The following FAM221A variants were observed in gnomAD, a reference collection of about 807,000 sequenced individuals.
The protein encoded by FAM221A is family with sequence similarity 221 member A.
A neutral mutation model predicts 37.6 loss-of-function variants in FAM221A; 43 were observed. The observed-to-expected ratio is 1.15, with a 90% confidence interval of 0.90 to 1.48. The LOEUF is 1.48. Ranked by LOEUF, FAM221A falls within the 40% of genes most tolerant of loss-of-function variation. FAM221A has a pLI of 0.00. For synonymous variants in FAM221A, 135 were observed against 132.9 expected, an observed-to-expected ratio of 1.02 and a Z score of -0.11; for missense variants, 361 against 361.5, an observed-to-expected ratio of 1.00 and a Z score of 0.01.
chr7:23,682,180 C>T (rs1157139770), intron 1 of FAM221A, among the ~76,000 whole-genome samples: 1 of 151,672 alleles, frequency 6.6e-6, no homozygotes, highest in East Asian at 2.0e-4. Context: ...ACTCTCTCTT[C>T]TCAGCCTCCT....
intron 1 of FAM221A, among the ~76,000 whole-genome samples, chr7:23,683,468 G>T (rs554074664): frequency 6.6e-6 from 1 of 152,248 alleles, no homozygotes; most frequent in East Asian, 1.9e-4. Context: ...CTGCTTTGAT[G>T]TTTTTTGTAC....
At chr7:23,696,565 A>G (rs1785073133) in intron 4 of FAM221A, among the ~76,000 whole-genome samples, 1 of 152,196 alleles carries the variant, frequency 6.6e-6, no homozygotes, top group South Asian at 2.1e-4. Flanking sequence ...CCCTGCCTCA[A>G]AGTAAATAAA....
intron 3 of FAM221A, among the ~76,000 whole-genome samples, chr7:23,690,570 C>G (rs1345247091): frequency 2.0e-5 from 3 of 152,026 alleles, no homozygotes; most frequent in African/African-American, 7.2e-5. Flanking sequence ...ATTCTGGCCT[C>G]CATTACAATG....
intron 4 of FAM221A, chr7:23,692,117 T>G: frequency 1.4e-6 from 1 of 737,376 alleles, no homozygotes; most frequent in Non-Finnish European, 1.7e-6. Context: ...ATATATCTTC[T>G]TGCATACATA....
chr7:23,699,245 A>G (rs1372487265), intron 5 of FAM221A, among the ~76,000 whole-genome samples: 1 of 150,862 alleles, frequency 6.6e-6, no homozygotes, highest in African/African-American at 2.4e-5. Flanking sequence ...AGCCTTCCAC[A>G]TAGCTAGGAG....
At chr7:23,698,689 GC>G (rs1785214829) in intron 5 of FAM221A, among the ~76,000 whole-genome samples, 1 of 152,168 alleles carries the variant, frequency 6.6e-6, no homozygotes, top group African/African-American at 2.4e-5. Flanking sequence ...TAAATTAAGA[GC>G]AAGTAGAATT....
chr7:23,690,199 A>ATATATATATTTT (rs774313037), intron 3 of FAM221A, among the ~76,000 whole-genome samples: 57 of 48,722 alleles, frequency 1.2e-3, no homozygotes, highest in African/African-American at 1.7e-3. Flanking sequence ...ATATATATAT[A>ATATATATATTTT]TTTTTTTTTT....
intron 3 of FAM221A, among the ~76,000 whole-genome samples, chr7:23,689,702 C>T (rs1202349528): frequency 6.6e-6 from 1 of 152,128 alleles, no homozygotes; most frequent in African/African-American, 2.4e-5. Context: ...ACCCTCATCT[C>T]ATATAGTTCA....
At chr7:23,687,760 C>T (rs1784455918) in intron 2 of FAM221A, 1 of 151,248 alleles carries the variant, frequency 6.6e-6, no homozygotes, top group Non-Finnish European at 1.5e-5. Context: ...TCTCCTGCCT[C>T]AGCCTCCCGA....
intron 4 of FAM221A, chr7:23,694,926 CTG>C (rs1784963009): frequency 1.3e-5 from 2 of 152,082 alleles, no homozygotes; most frequent in African/African-American, 4.8e-5. Flanking sequence ...ATTATAAACT[CTG>C]TTATTTTAAT....
chr7:23,684,588 A>T lies in FAM221A; in HGVS notation c.155A>T (p.Asn52Ile), dbSNP rs1227961825. Residue 52 changes from asparagine to isoleucine, a missense_variant, in exon 2 of 7, where the codon AAC (asparagine) becomes ATC (isoleucine). By Grantham distance (149) the Asn-to-Ile change is moderately radical (BLOSUM62 -3). Transcript: ENST00000344962. ...KRKVLPLRLQ[N>I]RLFVSWRSPT... ...AAAGTTTTACCTCTGCGCTTACAAA[A>T]CAGATTATTTGTGAGCTGGCGGTCA... 6.2e-7 allele frequency: 1 copy of T among 1,614,030 alleles called. No individual in the cohort carries two copies.
At chr7:23,682,704 C>T (rs1784127913) in intron 1 of FAM221A, among the ~76,000 whole-genome samples, 1 of 152,232 alleles carries the variant, frequency 6.6e-6, no homozygotes, top group East Asian at 1.9e-4. Flanking sequence ...GGATTACAGG[C>T]ATGAGCCACT....
rs180715656 is a variant in FAM221A at position 23,685,035 on chromosome 7, G to T, written c.239+363G>T. Among the ~76,000 whole-genome samples the T allele has an allele frequency of 8.2e-4, 125 of 152,278 alleles. 4 individuals are homozygous for T. In the East Asian group the frequency reaches 0.017, roughly 21 times the overall value. ...GAGGCCGAGGTGGGTGGATCACGAG[G>T]TCAGGAGTTTGAGACCAGTCTGGCC... On this transcript the variant is annotated intron_variant, in intron 2 of 6. Transcript: ENST00000344962.
intron 3 of FAM221A, among the ~76,000 whole-genome samples, chr7:23,690,199 A>ATATATTTTTT (rs774313037): frequency 8.8e-4 from 43 of 48,736 alleles, no homozygotes; most frequent in South Asian, 3.6e-3. Context: ...ATATATATAT[A>ATATATTTTTT]TTTTTTTTTT....
Position 23,691,571 on chromosome 7 carries a change from C to T in FAM221A, c.612C>T (p.Tyr204=), listed in dbSNP as rs143718367. 254 of 1,614,014 alleles carry T rather than the reference C, an allele frequency of 1.6e-4. No individual in the cohort carries two copies. Among genetic ancestry groups the T allele is most frequent in the Non-Finnish European group, 2.1e-4 (242 of 1,180,012 alleles). The change falls in exon 4 of 7, where the codon TAC becomes TAT. Residue 204 remains tyrosine, a synonymous_variant. Transcript: ENST00000344962. The stretch of plus-strand genomic sequence containing the variant: ...GTTTCAGCTCGCTGGCGGAAGGCTA[C>T]ATGCGGTTAGATGACAGTGGGATTG... ...LTGFSSLAEG[Y]MRLDDSGIGV... is the part of the protein sequence containing the mutation.
chr7:23,700,711 A>G, intron 5 of FAM221A, 75 bp from the exon 6 acceptor site: 2 of 963,716 alleles, frequency 2.1e-6, no homozygotes, highest in Non-Finnish European at 3.0e-6. Context: ...GAGCAGGAGA[A>G]AACTTTTCTT....
At chr7:23,703,150 A>G (rs1238906361), downstream of FAM221A, 1 of 152,194 alleles carries the variant, frequency 6.6e-6, no homozygotes, top group East Asian at 1.9e-4. Flanking sequence ...CCAACTCAAT[A>G]ATAATATATC....
At chr7:23,702,925 G>C (rs1222487834), downstream of FAM221A, 1 of 152,178 alleles carries the variant, frequency 6.6e-6, no homozygotes, top group South Asian at 2.1e-4. Flanking sequence ...TTCTGACACT[G>C]TGGCTTGGGA....
Position 23,691,428 on chromosome 7 carries a change from G to A in FAM221A, c.469G>A (p.Ala157Thr), listed in dbSNP as rs1383268017. 1.2e-6 allele frequency: 2 copies of A among 1,614,030 alleles called. No individual in the cohort carries two copies. The highest frequency in any genetic ancestry group is 1.7e-6 in the Non-Finnish European group (2 of 1,180,030). Reference protein sequence around the residue: ...CSGFHSCFTCACGQPAYAHDT... With the variant: ...CSGFHSCFTCTCGQPAYAHDT... ...AGGATTCCATAGCTGCTTCACTTGT[G>A]CTTGTGGTCAGCCTGCATATGCCCA... The change falls in exon 4 of 7, where the codon GCT becomes ACT. Residue 157 changes from alanine to threonine, a missense_variant. By Grantham distance (58) the Ala-to-Thr change is moderately conservative (BLOSUM62 0). Transcript: ENST00000344962.
Sources: gnomAD v4.1 joint callset for allele counts (sites outside exome capture counted in the v4.1 genomes callset) on GRCh38, gnomAD v4.1.1 for gene constraint, MANE v1.5 for transcripts, NCBI Gene and HGNC (gene_info 2026-07-23, HGNC 2026-07-21) for gene names.